Variants in TRIB2 observed in about 807,000 individuals in gnomAD.
TRIB2 encodes tribbles homolog 2.
Under a neutral mutation model 26.8 loss-of-function variants are expected in TRIB2, and 2 were observed. The ratio of observed to expected loss-of-function variants is 0.07; its 90% CI spans 0.03 to 0.24. The LOEUF is 0.24. TRIB2 is among the 10% of genes least tolerant of loss of function. The pLI is 1.00. For synonymous variants in TRIB2, 189 were observed against 187.3 expected (o/e 1.01, Z -0.08); for missense variants, 306 against 449.0 (o/e 0.68, Z 2.88).
chr2:12,739,521 G>A (rs1397362396), intron 2 of TRIB2, among the ~76,000 whole-genome samples: 3 of 151,878 alleles, frequency 2.0e-5, no homozygotes, highest in Admixed American at 6.6e-5. Flanking sequence ...GGGATTACAG[G>A]TTTGAGACAC....
At chr2:12,731,066 A>T (rs13408093) in intron 2 of TRIB2, among the ~76,000 whole-genome samples, 9,884 of 152,266 alleles carry the variant, frequency 0.065, 1,099 homozygotes, top group African/African-American at 0.23. Flanking sequence ...TGGTACAGGA[A>T]TCAGTACAAG....
Position 12,723,500 on chromosome 2 carries a change from C to T in TRIB2, c.511C>T (p.Leu171=), listed in dbSNP as rs1172657141. The change falls in exon 2 of 3, where the codon CTG becomes TTG. Residue 171 remains leucine (L), a synonymous_variant. Transcript: ENST00000155926. ...SAVAHCHDGG[L]VLRDLKLRKF... is the part of the protein sequence containing the mutation. ...AGTGGCCCACTGCCATGACGGGGGG[C>T]TGGTGCTGCGGGACCTCAAGCTGCG... 6.2e-7 allele frequency: 1 copy of T among 1,614,158 alleles called. No homozygotes were observed. Among genetic ancestry groups the T allele is most frequent in the Admixed American group, 1.7e-5 (1 of 60,026 alleles).
chr2:12,738,781 C>T (rs1456231170), intron 2 of TRIB2, among the ~76,000 whole-genome samples: 1 of 152,174 alleles, frequency 6.6e-6, no homozygotes, highest in Non-Finnish European at 1.5e-5. Context: ...TAGCCTTGAA[C>T]AAGTCACCGC....
Position 12,732,974 on chromosome 2 carries a change from TTGTC to T in TRIB2, c.564-7349_564-7346del, listed in dbSNP as rs1449362579. On this transcript the variant is annotated intron_variant, in intron 2 of 2. Coordinates refer to ENST00000155926, the MANE Select transcript of TRIB2 (RefSeq NM_021643.4). The surrounding 1 kb of genome is among the most constrained non-coding windows in gnomAD (Gnocchi z 4.2). Reference sequence around the variant, plus strand: ...ACTTCCCATCCCTGCCAGGCCCACTTTGTCTGGCTGAACTCCCAGCTCAGCCCCA... The same window carrying T: ...ACTTCCCATCCCTGCCAGGCCCACTTTGGCTGAACTCCCAGCTCAGCCCCA... 6.6e-6 allele frequency among the ~76,000 whole-genome samples: 1 copy of T among 152,212 alleles called. No individual in the cohort carries two copies. The highest frequency in any genetic ancestry group is 1.5e-5 in the Non-Finnish European group (1 of 68,028).
In TRIB2 at chr2:12,718,908, CTG is replaced by C. The variant is rs1666661924; in HGVS notation, c.270+335_270+336del. Among the ~76,000 whole-genome samples the C allele has an allele frequency of 6.6e-6, 1 of 152,176 alleles. No homozygotes were observed. The highest frequency in any genetic ancestry group is 6.5e-5 in the Admixed American group (1 of 15,282). On this transcript the variant is annotated intron_variant, in intron 1 of 2. Transcript: ENST00000155926. The surrounding 1 kb of genome is among the most constrained non-coding windows in gnomAD (Gnocchi z 4.0). ...CCCGCTGCCCGGGGGGGATTTCTTC[CTG>C]TGTCTAGCCCCCTCCCCTTCCAACA...
intron 1 of TRIB2, among the ~76,000 whole-genome samples, chr2:12,721,359 AAGT>A (rs1350241762): frequency 3.3e-5 from 5 of 152,236 alleles, no homozygotes; most frequent in Admixed American, 2.6e-4. Flanking sequence ...TGGAAACAGG[AAGT>A]AGATTATAAA....
intron 2 of TRIB2, among the ~76,000 whole-genome samples, chr2:12,734,036 A>C (rs973814495): frequency 6.6e-6 from 1 of 152,198 alleles, no homozygotes; most frequent in Non-Finnish European, 1.5e-5. Flanking sequence ...TTGAGTACAC[A>C]GGCTGCCCAC....
At chr2:12,739,147 GA>G (rs1250206370) in intron 2 of TRIB2, among the ~76,000 whole-genome samples, 2 of 152,192 alleles carry the variant, frequency 1.3e-5, no homozygotes, top group African/African-American at 4.8e-5. Flanking sequence ...TGCACAGACA[GA>G]AGATGTGGGT....
intron 2 of TRIB2, among the ~76,000 whole-genome samples, chr2:12,726,660 G>A (rs1648350622): frequency 6.6e-6 from 1 of 152,198 alleles, no homozygotes; most frequent in African/African-American, 2.4e-5. Context: ...CACCTTTTGG[G>A]CATTGGTCCC....
In TRIB2 at chr2:12,738,362, C is replaced by T. The variant is rs1374027787; in HGVS notation, c.564-1964C>T. The stretch of plus-strand genomic sequence containing the variant: ...CTTGAGCTTTTTTTGCACTTCGGGG[C>T]AAACAGGGCAGATGCTTGCACGTGC... On this transcript the variant is annotated intron_variant, in intron 2 of 2. Transcript: ENST00000155926. Among the ~76,000 whole-genome samples, 5 of 152,126 alleles carry T rather than the reference C, an allele frequency of 3.3e-5. No individual in the cohort carries two copies. The East Asian group carries it at 9.6e-4, about 29-fold the overall frequency.
At chr2:12,727,911 G>A (rs551203274) in intron 2 of TRIB2, among the ~76,000 whole-genome samples, 16 of 152,242 alleles carry the variant, frequency 1.1e-4, no homozygotes, top group African/African-American at 3.6e-4. Flanking sequence ...CCCAAAGTGC[G>A]TGCCCTGTGC....
chr2:12,725,977 C>T lies in TRIB2; in HGVS notation c.563+2425C>T, dbSNP rs553537221. The stretch of plus-strand genomic sequence containing the variant: ...GTTACTTGGCCTCATGGCAGGGTCA[C>T]CTAGCTGGCTTAATGTTACACAGCC... On this transcript the variant is annotated intron_variant, in intron 2 of 2. Coordinates refer to ENST00000155926, the MANE Select transcript of TRIB2 (RefSeq NM_021643.4). Among the ~76,000 whole-genome samples the T allele has an allele frequency of 1.9e-4, 29 of 152,312 alleles. No individual in the cohort carries two copies. In the East Asian group the frequency reaches 5.2e-3, roughly 28 times the overall value.
chr2:12,737,990 C>A (rs982397989), intron 2 of TRIB2, among the ~76,000 whole-genome samples: 1 of 152,202 alleles, frequency 6.6e-6, no homozygotes, highest in Non-Finnish European at 1.5e-5. Context: ...AGCTCTTAGC[C>A]CAGTGCCTTT....
intron 2 of TRIB2, among the ~76,000 whole-genome samples, chr2:12,736,156 G>A (rs1572484865): frequency 2.0e-5 from 3 of 152,144 alleles, no homozygotes; most frequent in African/African-American, 7.2e-5. Context: ...ATTGTGACCT[G>A]GAAGGGGATA....
intron 2 of TRIB2, among the ~76,000 whole-genome samples, chr2:12,735,426 G>A (rs1406679263): frequency 2.0e-5 from 3 of 152,084 alleles, no homozygotes; most frequent in African/African-American, 7.2e-5. Flanking sequence ...CTAGTGAACT[G>A]AGCAACCCTG....
In TRIB2 at chr2:12,717,012, T is replaced by G; in HGVS notation, c.-1296T>G. 1 of 170,042 alleles carries G rather than the reference T, an allele frequency of 5.9e-6. No individual in the cohort carries two copies. The allele number at this position is 170,042 out of a possible 1,614,324, so 10.5% of individuals were successfully genotyped here. On this transcript the variant is annotated 5_prime_UTR_variant, in exon 1 of 3. Coordinates refer to ENST00000155926, the MANE Select transcript of TRIB2 (RefSeq NM_021643.4). This position sits in a 1 kb window ranked among gnomAD's most constrained non-coding sequence, Gnocchi z 4.8. Reference sequence around the variant, plus strand: ...GCTCGCTCCGAGATCCCCGGCCACGTAAGTAACTATTAATACCGCCTCGCC... The same window carrying G: ...GCTCGCTCCGAGATCCCCGGCCACGGAAGTAACTATTAATACCGCCTCGCC...
intron 2 of TRIB2, among the ~76,000 whole-genome samples, chr2:12,729,496 A>G (rs1048378388): frequency 5.3e-5 from 8 of 152,220 alleles, no homozygotes; most frequent in African/African-American, 1.9e-4. Context: ...CACCTTTTCA[A>G]AGAGAGCTAT....
Position 12,742,058 on chromosome 2 carries a change from A to T in TRIB2, c.*1264A>T, listed in dbSNP as rs911350807. The T allele has an allele frequency of 1.4e-4, 22 of 152,674 alleles. 1 individual carries two copies. The highest frequency in any genetic ancestry group is 1.3e-3 in the Admixed American group (20 of 15,288). The allele number at this position is 152,674 out of a possible 1,614,324, so 9.5% of individuals were successfully genotyped here. A position where few individuals can be genotyped will look rare whatever the true frequency, so the allele number is the denominator to read the frequency against. ...GGGTTGACTTGGGATGACATATTAC[A>T]TGCTGTAGTTAACATTTATAATTCT... On this transcript the variant is annotated 3_prime_UTR_variant, in exon 3 of 3. Coordinates refer to ENST00000155926, the MANE Select transcript of TRIB2 (RefSeq NM_021643.4).
At chr2:12,737,467 C>T (rs1005941814) in intron 2 of TRIB2, 2 of 154,832 alleles carry the variant, frequency 1.3e-5, no homozygotes, top group African/African-American at 4.8e-5. Flanking sequence ...TTCACCTTTT[C>T]ACCTCCGTCA....
Sources: gnomAD v4.1 joint callset for allele counts (sites outside exome capture counted in the v4.1 genomes callset) on GRCh38, gnomAD v4.1.1 for gene constraint, Gnocchi (gnomAD v3.1) non-coding constraint, MANE v1.5 for transcripts, NCBI Gene and HGNC (gene_info 2026-07-23, HGNC 2026-07-21) for gene names.